The following CNST variants were observed in gnomAD, a reference collection of about 807,000 sequenced individuals.
CNST encodes consortin, connexin sorting protein.
CNST carries 39 observed loss-of-function variants against 72.4 expected under a neutral mutation model. The observed-to-expected ratio is 0.54, with a 90% CI of 0.42 to 0.70. The LOEUF is 0.70. Among genes scored for constraint, CNST ranks in the 30% least tolerant of loss-of-function variants. The pLI is 0.00. For missense variants in CNST, 871 were observed against 868.5 expected (o/e 1.00, Z -0.04); for synonymous variants, 332 against 320.1 (o/e 1.04, Z -0.40).
At chr1:246,629,544 CAAAT>C (rs1664645405) in intron 3 of CNST, among the ~76,000 whole-genome samples, 1 of 152,132 alleles carries the variant, frequency 6.6e-6, no homozygotes, top group South Asian at 2.1e-4. Context: ...CAAAACTCCT[CAAAT>C]AAGAGCTATT....
intron 6 of CNST, 57 bp downstream of exon 6, chr1:246,634,644 A>G: frequency 1.1e-6 from 1 of 879,422 alleles, no homozygotes; most frequent in Non-Finnish European, 1.8e-6. Flanking sequence ...AAGAAGCATT[A>G]TAGCATTGAG....
At chr1:246,585,954 C>G (rs1427939246) in intron 1 of CNST, among the ~76,000 whole-genome samples, 1 of 151,720 alleles carries the variant, frequency 6.6e-6, no homozygotes, top group African/African-American at 2.4e-5. Flanking sequence ...ATGGCACGCA[C>G]CTGTAGTCCC....
At chr1:246,636,937 G>A (rs12759457) in intron 6 of CNST, among the ~76,000 whole-genome samples, 44,187 of 151,962 alleles carry the variant, frequency 0.29, 7,134 homozygotes, top group East Asian at 0.67. Context: ...GCTGCTGTGG[G>A]CAGCAGGGCG....
At chr1:246,612,396 T>C (rs1663376597) in intron 2 of CNST, among the ~76,000 whole-genome samples, 1 of 151,858 alleles carries the variant, frequency 6.6e-6, no homozygotes, top group Admixed American at 6.6e-5. Context: ...AGAGACGGAG[T>C]TTCGCCATGT....
chr1:246,637,426 T>C lies in CNST; in HGVS notation c.818+2839T>C, dbSNP rs1462397186. On this transcript the variant is annotated intron_variant, in intron 6 of 10. Coordinates refer to ENST00000366513, the MANE Select transcript of CNST (RefSeq NM_152609.3). ...GCTGCTTCACAAATGAAAGACCATG[T>C]CTGGATTAAGGAGGGTAAGTAATTC... Among the ~76,000 whole-genome samples, 7 of 152,318 alleles carry C rather than the reference T, an allele frequency of 4.6e-5. No individual in the cohort carries two copies. In the East Asian group the frequency reaches 1.4e-3, roughly 29 times the overall value.
rs1287398436 is a variant in CNST at position 246,666,450 on chromosome 1, T to TGC, written c.*547_*548dup. On this transcript the variant is annotated 3_prime_UTR_variant, in exon 11 of 11. Coordinates refer to ENST00000366513, the MANE Select transcript of CNST (RefSeq NM_152609.3). Reference sequence around the variant, plus strand: ...AAGTGATTGTGTGTTTGCGTGTGTGTGCGTGCGCATGTGCTTCCGGCAGTT... The same window carrying TGC: ...AAGTGATTGTGTGTTTGCGTGTGTGTGCGCGTGCGCATGTGCTTCCGGCAGTT... 2.0e-5 allele frequency: 3 copies of TGC among 152,758 alleles called. No individual in the cohort carries two copies. The highest frequency in any genetic ancestry group is 4.4e-5 in the Non-Finnish European group (3 of 68,106). 9.5% of individuals were successfully genotyped at this position (152,758 alleles called of 1,614,324 possible).
chr1:246,567,442 C>T (rs960586706), intron 1 of CNST, among the ~76,000 whole-genome samples: 3 of 151,954 alleles, frequency 2.0e-5, no homozygotes, highest in African/African-American at 4.8e-5. Flanking sequence ...GAGCTTTTAC[C>T]CATTATCCTT....
intron 2 of CNST, among the ~76,000 whole-genome samples, chr1:246,615,396 C>T (rs1191333476): frequency 1.3e-5 from 2 of 151,594 alleles, no homozygotes; most frequent in Non-Finnish European, 2.9e-5. Flanking sequence ...AGGATGGTCT[C>T]GATCTCCTGA....
At position 246,651,399 on chromosome 1, in the gene CNST, G is replaced by T. The variant is rs114920910; in HGVS notation, c.1836+3362G>T. On this transcript the variant is annotated intron_variant, in intron 9 of 10. Coordinates refer to ENST00000366513, the MANE Select transcript of CNST (RefSeq NM_152609.3). Reference sequence around the variant, plus strand: ...TGTTTGTGGTAGAGCATGCTGGTTTGTTCTTTCTTTGCCAGCTTTCCCCTT... The same window carrying T: ...TGTTTGTGGTAGAGCATGCTGGTTTTTTCTTTCTTTGCCAGCTTTCCCCTT... Among the ~76,000 whole-genome samples, 1,511 of 152,108 alleles carry T rather than the reference G, an allele frequency of 9.9e-3. 20 individuals carry two copies. Among genetic ancestry groups the T allele is most frequent in the African/African-American group, 0.034 (1,416 of 41,486 alleles).
chr1:246,622,535 T>C (rs1664160575), intron 3 of CNST, among the ~76,000 whole-genome samples: 1 of 152,158 alleles, frequency 6.6e-6, no homozygotes, highest in African/African-American at 2.4e-5. Flanking sequence ...TGGGATATTA[T>C]TGGAGATGAA....
In CNST at chr1:246,566,514, G is replaced by T. The variant is rs1048215225; in HGVS notation, c.-201G>T. ...CCGCGAGGGGTGCGCAGAGGGAGGCGGGGCGGAAAGGCGAGAGGTGTCTCC... is the reference window on the plus strand; with the variant it reads ...CCGCGAGGGGTGCGCAGAGGGAGGCTGGGCGGAAAGGCGAGAGGTGTCTCC... On this transcript the variant is annotated 5_prime_UTR_variant, in exon 1 of 11. Coordinates refer to ENST00000366513, the MANE Select transcript of CNST (RefSeq NM_152609.3). 6.9e-6 allele frequency: 3 copies of T among 433,028 alleles called. No homozygotes were observed. The East Asian group carries it at 9.7e-5, about 14-fold the overall frequency. 26.8% of individuals were successfully genotyped at this position (433,028 alleles called of 1,614,324 possible).
intron 8 of CNST, among the ~76,000 whole-genome samples, chr1:246,645,057 T>G (rs1463765615): frequency 6.6e-6 from 1 of 152,188 alleles, no homozygotes; most frequent in Non-Finnish European, 1.5e-5. Context: ...TGACCCCTTC[T>G]TCCTTCTCCT....
Position 246,578,944 on chromosome 1 carries a change from A to T in CNST, c.-52+12281A>T, listed in dbSNP as rs1412426990. Among the ~76,000 whole-genome samples, 7 of 152,354 alleles carry T rather than the reference A, an allele frequency of 4.6e-5. No individual in the cohort carries two copies. In the East Asian group the frequency reaches 1.4e-3, roughly 29 times the overall value. On this transcript the variant is annotated intron_variant, in intron 1 of 10. Transcript: ENST00000366513. ...TCAAATTGCTTGTCTGTAAAATGCT[A>T]GTGCTAATAATAACTACCTAATAGG...
intron 1 of CNST, among the ~76,000 whole-genome samples, chr1:246,589,229 AG>A (rs2103022541): frequency 6.6e-6 from 1 of 151,608 alleles, no homozygotes; most frequent in South Asian, 2.1e-4. Flanking sequence ...CTCGTCATCT[AG>A]CATTAGGTAT....
intron 1 of CNST, among the ~76,000 whole-genome samples, chr1:246,576,820 A>G (rs1233009872): frequency 6.6e-6 from 1 of 151,628 alleles, no homozygotes; most frequent in Non-Finnish European, 1.5e-5. Flanking sequence ...AATTCTTTTT[A>G]TCCTATTACC....
chr1:246,566,923 A>G (rs540985679), intron 1 of CNST: 2 of 339,132 alleles, frequency 5.9e-6, no homozygotes, highest in South Asian at 3.1e-4. Flanking sequence ...CTAGCGCCAG[A>G]AGTCGTTCCT....
chr1:246,575,850 C>T (rs1395318906), intron 1 of CNST, among the ~76,000 whole-genome samples: 1 of 151,936 alleles, frequency 6.6e-6, no homozygotes, highest in Non-Finnish European at 1.5e-5. Context: ...TTAAAAATTC[C>T]CTATTTTTAT....
intron 8 of CNST, 99 bp downstream of exon 8, chr1:246,642,136 T>G (rs1050622854): frequency 9.5e-6 from 4 of 422,022 alleles, no homozygotes; most frequent in South Asian, 4.8e-5. Flanking sequence ...GGATCTGGTT[T>G]TTTTTTTTTT....
intron 9 of CNST, among the ~76,000 whole-genome samples, chr1:246,649,478 T>G (rs1430784905): frequency 2.0e-5 from 3 of 152,206 alleles, no homozygotes; most frequent in Non-Finnish European, 4.4e-5. Flanking sequence ...AACACAAAGC[T>G]TATACCCATA....
Sources: allele counts gnomAD v4.1 joint callset (sites outside exome capture counted in the v4.1 genomes callset), GRCh38; gene constraint gnomAD v4.1.1; transcripts MANE v1.5; gene names NCBI Gene and HGNC (gene_info 2026-07-23, HGNC 2026-07-21).